CNOT6: variants seen among roughly 807,000 people sequenced by gnomAD.
CNOT6 encodes carbon catabolite repression 4 protein.
CNOT6 carries 12 observed loss-of-function variants against 61.2 expected under a neutral mutation model. The observed-to-expected ratio is 0.20, with a 90% CI of 0.13 to 0.32. The LOEUF (loss-of-function observed/expected upper bound fraction) is 0.32, where lower values mean the gene tolerates loss of function less well. Ranked by LOEUF, CNOT6 falls within the 10% of genes least tolerant of loss-of-function variation. The pLI is 1.00. For missense variants in CNOT6, 405 were observed against 663.9 expected, an observed-to-expected ratio of 0.61 and a Z score of 4.28; for synonymous variants, 225 against 240.6, an observed-to-expected ratio of 0.94 and a Z score of 0.60.
chr5:180,533,312 CTATA>C (rs56266069), intron 2 of CNOT6, among the ~76,000 whole-genome samples: 3,344 of 127,568 alleles, frequency 0.026, 158 homozygotes, highest in African/African-American at 0.085. Flanking sequence ...GGATGAAAAC[CTATA>C]TATATATATA....
rs1482987765 is a variant in CNOT6 at position 180,578,033 on chromosome 5, C to G, written c.*3833C>G. 1.3e-5 allele frequency: 2 copies of G among 152,704 alleles called. No homozygotes were observed. Among genetic ancestry groups the G allele is most frequent in the East Asian group, 3.9e-4 (2 of 5,188 alleles). 9.5% of individuals were successfully genotyped at this position (152,704 alleles called of 1,614,324 possible). A position where few individuals can be genotyped will look rare whatever the true frequency, so the allele number is the denominator to read the frequency against. On this transcript the variant is annotated 3_prime_UTR_variant, in exon 12 of 12. Transcript: ENST00000261951. ...GGTTTGAGGAAAAATAAATGTTGAT[C>G]AGCAGACCACGTATTTAAAATTCTG...
intron 1 of CNOT6, among the ~76,000 whole-genome samples, chr5:180,499,521 A>C (rs181880603): frequency 3.9e-5 from 6 of 152,230 alleles, no homozygotes; most frequent in Non-Finnish European, 8.8e-5. Context: ...TTCTCATACA[A>C]CTGTTAATTT....
chr5:180,533,353 A>G (rs1203948817), intron 2 of CNOT6, among the ~76,000 whole-genome samples: 3 of 136,118 alleles, frequency 2.2e-5, no homozygotes, highest in Non-Finnish European at 4.8e-5. Context: ...TCACCGTAAT[A>G]CAACATAGGA....
At chr5:180,514,123 T>C (rs942938469) in intron 1 of CNOT6, among the ~76,000 whole-genome samples, 2 of 151,694 alleles carry the variant, frequency 1.3e-5, no homozygotes, top group Non-Finnish European at 2.9e-5. Context: ...CCACACCATA[T>C]GGCTGAAACT....
intron 2 of CNOT6, among the ~76,000 whole-genome samples, chr5:180,530,725 TGTTTGTG>T (rs1758316517): frequency 6.6e-6 from 1 of 152,270 alleles, no homozygotes; most frequent in East Asian, 1.9e-4. Flanking sequence ...CCTTCCGCAG[TGTTTGTG>T]TCCCTGGGTA....
chr5:180,548,793 G>A (rs954529445), intron 2 of CNOT6, among the ~76,000 whole-genome samples: 1 of 152,130 alleles, frequency 6.6e-6, no homozygotes, highest in Admixed American at 6.5e-5. Flanking sequence ...TCTCAAGGTC[G>A]CGTTTTCTTC....
At chr5:180,560,797 G>T (rs887321746) in intron 4 of CNOT6, among the ~76,000 whole-genome samples, 3 of 152,090 alleles carry the variant, frequency 2.0e-5, no homozygotes, top group Non-Finnish European at 4.4e-5. Flanking sequence ...AGCCATTATT[G>T]CTTTGAGTAC....
At chr5:180,498,697 G>T (rs887161194) in intron 1 of CNOT6, among the ~76,000 whole-genome samples, 47 of 152,244 alleles carry the variant, frequency 3.1e-4, no homozygotes, top group Admixed American at 1.0e-3. Flanking sequence ...ATTGTTAGCA[G>T]AGGAGCAAGG....
intron 2 of CNOT6, among the ~76,000 whole-genome samples, chr5:180,539,172 TCA>T (rs1758882423): frequency 2.3e-5 from 1 of 43,058 alleles, no homozygotes. Flanking sequence ...AGACTCCATC[TCA>T]AAAAAAAAAA....
chr5:180,499,177 A>G (rs958454926), intron 1 of CNOT6, among the ~76,000 whole-genome samples: 1 of 152,224 alleles, frequency 6.6e-6, no homozygotes, highest in Non-Finnish European at 1.5e-5. Flanking sequence ...GCTCTATAAT[A>G]CAGGGTCATT....
rs756489493 is a variant in CNOT6, at chr5:180,535,988, G to GTTT, written c.112+6627_112+6629dup. On this transcript the variant is annotated intron_variant, in intron 2 of 11. Transcript: ENST00000261951. ...TCATGTTCTTTGCCCACTTATTAGG[G>GTTT]TTTTTTTTTTTTTTTTTTTTTTTTT... is the stretch of plus-strand genomic sequence containing the variant. Among the ~76,000 whole-genome samples the GTTT allele has an allele frequency of 6.7e-4, 42 of 62,496 alleles. 4 individuals carry two copies. Among genetic ancestry groups the GTTT allele is most frequent in the East Asian group, 1.3e-3 (2 of 1,520 alleles). 41.0% of individuals were successfully genotyped at this position (62,496 alleles called of 152,430 possible). A position where few individuals can be genotyped will look rare whatever the true frequency, so the allele number is the denominator to read the frequency against.
Position 180,568,361 on chromosome 5 carries a change from T to C in CNOT6, c.1027+358T>C, listed in dbSNP as rs11249730. Among the ~76,000 whole-genome samples the C allele has an allele frequency of 3.8e-3, 575 of 152,010 alleles. 3 individuals are homozygous for C. Among genetic ancestry groups the C allele is most frequent in the African/African-American group, 0.012 (480 of 41,494 alleles). ...ATTTTTTGGCAGCAAGGATATTCTG[T>C]AAGCTAACTTCTTTTCCTGATCTAT... On this transcript the variant is annotated intron_variant, in intron 9 of 11. Transcript: ENST00000261951.
rs193043488 is a variant in CNOT6, at chr5:180,523,234, G to T, written c.-2-6041G>T. ...GAGGAAAAACAGTTTGTCTTTTACA[G>T]TTGCTTCTCAGGTACCCCTTTTCTT... On this transcript the variant is annotated intron_variant, in intron 1 of 11. Coordinates refer to ENST00000261951, the MANE Select transcript of CNOT6 (RefSeq NM_001370472.1). Among the ~76,000 whole-genome samples, 113 of 152,288 alleles carry T rather than the reference G, an allele frequency of 7.4e-4. No homozygotes were observed. In the South Asian group the frequency reaches 8.3e-3, roughly 11 times the overall value.
At chr5:180,562,603 G>A (rs1760243515) in intron 4 of CNOT6, among the ~76,000 whole-genome samples, 1 of 152,126 alleles carries the variant, frequency 6.6e-6, no homozygotes, top group African/African-American at 2.4e-5. Context: ...AGCCGGGCAT[G>A]GTGGCAGCTG....
At chr5:180,571,063 G>A (rs185062572) in intron 10 of CNOT6, among the ~76,000 whole-genome samples, 167 bp from the exon 11 acceptor site, 2 of 152,332 alleles carry the variant, frequency 1.3e-5, no homozygotes, top group East Asian at 3.9e-4. Context: ...TCAATACTCT[G>A]TGATGACAAC....
chr5:180,520,366 G>A (rs1055164197), intron 1 of CNOT6, among the ~76,000 whole-genome samples: 3 of 152,138 alleles, frequency 2.0e-5, no homozygotes, highest in South Asian at 2.1e-4. Flanking sequence ...GGCCTGGGCC[G>A]GGCGCGGTGG....
intron 1 of CNOT6, among the ~76,000 whole-genome samples, chr5:180,502,791 T>TAG (rs1381171990): frequency 6.6e-6 from 1 of 152,236 alleles, no homozygotes; most frequent in African/African-American, 2.4e-5. Context: ...AGATATGACT[T>TAG]GACTAAGTTA....
chr5:180,568,591 AAAT>A (rs1760588253), intron 9 of CNOT6, among the ~76,000 whole-genome samples: 1 of 151,598 alleles, frequency 6.6e-6, no homozygotes, highest in Admixed American at 6.6e-5. Flanking sequence ...TAAATACATA[AAAT>A]AATTATTTTA....
chr5:180,568,902 T>C (rs1760606933), intron 9 of CNOT6, among the ~76,000 whole-genome samples: 1 of 152,198 alleles, frequency 6.6e-6, no homozygotes, highest in African/African-American at 2.4e-5. Flanking sequence ...GTACAAGTAG[T>C]GAATGCCCTG....
Sources: allele counts gnomAD v4.1 joint callset (sites outside exome capture counted in the v4.1 genomes callset), GRCh38; gene constraint gnomAD v4.1.1; transcripts MANE v1.5; gene names NCBI Gene and HGNC (gene_info 2026-07-23, HGNC 2026-07-21).